DNAH1: variants seen among roughly 807,000 people sequenced by gnomAD.
DNAH1 encodes the protein axonemal beta dynein heavy chain 1.
Under a neutral mutation model 484.3 loss-of-function variants are expected in DNAH1, and 327 were observed. The ratio of observed to expected loss-of-function variants is 0.68; its 90% CI spans 0.62 to 0.74. The LOEUF (loss-of-function observed/expected upper bound fraction) is 0.74. Ranked by LOEUF, DNAH1 falls within the 30% of genes least tolerant of loss-of-function variation. The probability of loss-of-function intolerance (pLI) is 0.00; values close to 1 mark genes in which losing one functional copy is unlikely to be tolerated. For missense variants in DNAH1, 5,052 were observed against 5,546.8 expected, an observed-to-expected ratio of 0.91 and a Z score of 2.83; for synonymous variants, 2,192 against 2,191.9, an observed-to-expected ratio of 1.00 and a Z score of 0.00.
intron 8 of DNAH1, among the ~76,000 whole-genome samples, chr3:52,338,084 A>G (rs1378586583): frequency 6.6e-6 from 1 of 152,168 alleles, no homozygotes; most frequent in Non-Finnish European, 1.5e-5. Flanking sequence ...GTGAGTCACC[A>G]TGCTCAGCTC....
rs145512224 is a variant in DNAH1, at chr3:52,372,521, A to G, written c.6827+134A>G. 1.2e-3 allele frequency: 1,522 copies of G among 1,255,998 alleles called. 3 individuals carry two copies. The highest frequency in any genetic ancestry group is 1.9e-3 in the Middle Eastern group (7 of 3,672). 77.8% of individuals were successfully genotyped at this position (1,255,998 alleles called of 1,614,324 possible). A position where few individuals can be genotyped will look rare whatever the true frequency, so the allele number is the denominator to read the frequency against. ...CCCAGGGGGAGCTGACAGCCCCCCAATGGGCCCAGGGTTCCCTCACAGACT... is the reference window on the plus strand; with the variant it reads ...CCCAGGGGGAGCTGACAGCCCCCCAGTGGGCCCAGGGTTCCCTCACAGACT... On this transcript the variant is annotated intron_variant, in intron 43 of 77. Transcript: ENST00000420323.
intron 18 of DNAH1, 30 bp downstream of exon 18, chr3:52,352,737 T>G: frequency 6.3e-7 from 1 of 1,598,008 alleles, no homozygotes. Context: ...CCTGCCCCCA[T>G]GCCCCCAGGC....
chr3:52,333,120 A>G (rs1274493732), intron 8 of DNAH1, among the ~76,000 whole-genome samples: 2 of 152,144 alleles, frequency 1.3e-5, no homozygotes, highest in African/African-American at 4.8e-5. Context: ...GCCTAGGCTC[A>G]AGTAAATCTC....
At position 52,332,192 on chromosome 3, in the gene DNAH1, C is replaced by T. The variant is rs200067536; in HGVS notation, c.1084C>T (p.Leu362Phe). Residue 362 changes from leucine to phenylalanine, a missense_variant, in exon 8 of 78, where the codon CTC (leucine) becomes TTC (phenylalanine). By Grantham distance (22) the Leu-to-Phe change is conservative. Around this residue, in one of 4 missense-constraint regions of DNAH1, gnomAD observed 1,263 missense variants for 1,218.8 expected, o/e 1.04. Transcript: ENST00000420323. ...GTACTGGGTGCCACGGATCCAGCTT[C>T]TCTTCTGCGCTGAGGACCCTTGCAT... Reference protein sequence around the residue: ...CQYWVPRIQLLFCAEDPCMFA... With the variant: ...CQYWVPRIQLFFCAEDPCMFA... 176 of 1,599,966 alleles carry T rather than the reference C, an allele frequency of 1.1e-4. 2 individuals carry two copies. In the African/African-American group the frequency reaches 1.7e-3, roughly 15 times the overall value.
rs982193226 is a variant in DNAH1 at position 52,379,857 on chromosome 3, T to G, written c.7378-48T>G. The G allele has an allele frequency of 3.3e-6, 5 of 1,507,686 alleles. No homozygotes were observed. The African/African-American group carries it at 5.5e-5, about 17-fold the overall frequency. 93.4% of individuals were successfully genotyped at this position (1,507,686 alleles called of 1,614,324 possible). A position where few individuals can be genotyped will look rare whatever the true frequency, so the allele number is the denominator to read the frequency against. ...CTTGCCTGGTGGTTTGAGAGATAGC[T>G]GAGGGCTTGGGGGCCAAGGACAGGC... On this transcript the variant is annotated intron_variant, in intron 47 of 77. Transcript: ENST00000420323. This position sits in a 1 kb window ranked among gnomAD's most constrained non-coding sequence, Gnocchi z 4.4.
chr3:52,331,326 C>T lies in DNAH1; in HGVS notation c.1033+17C>T. ...CCACTGAAGGTATGAGGTCCTGCCG[C>T]TGCCCCAGGCAGAACCCCAGCTTGG... On this transcript the variant is annotated intron_variant, in intron 7 of 77. Coordinates refer to ENST00000420323, the MANE Select transcript of DNAH1 (RefSeq NM_015512.5). 1 of 1,592,654 alleles carries T rather than the reference C, an allele frequency of 6.3e-7. No individual in the cohort carries two copies. Among genetic ancestry groups the T allele is most frequent in the Non-Finnish European group, 8.5e-7 (1 of 1,170,014 alleles).
At chr3:52,340,209 G>T (rs764383630) in intron 8 of DNAH1, among the ~76,000 whole-genome samples, 13 of 151,168 alleles carry the variant, frequency 8.6e-5, no homozygotes, top group Non-Finnish European at 1.8e-4. Context: ...CAGCCTCCCT[G>T]GTAGCTGGGA....
Position 52,364,664 on chromosome 3 carries a change from C to A in DNAH1, c.5271C>A (p.Ala1757=). The A allele has an allele frequency of 1.2e-6, 2 of 1,613,954 alleles. No homozygotes were observed. Among genetic ancestry groups the A allele is most frequent in the Non-Finnish European group, 1.7e-6 (2 of 1,179,880 alleles). ...ATCACTATGACTTCGGGATGAGAGCCGTGAAAACTGTGATCTCGGCTGCTG... is the reference window on the plus strand; with the variant it reads ...ATCACTATGACTTCGGGATGAGAGCAGTGAAAACTGTGATCTCGGCTGCTG... ...SQDHYDFGMR[A]VKTVISAAGN... Residue 1757 remains alanine, a synonymous_variant, in exon 33 of 78, where the codon GCC becomes GCA. Transcript: ENST00000420323. This position sits in a 1 kb window ranked among gnomAD's most constrained non-coding sequence, Gnocchi z 4.2.
chr3:52,371,668 A>G (rs1703343307), intron 41 of DNAH1, among the ~76,000 whole-genome samples: 1 of 152,256 alleles, frequency 6.6e-6, no homozygotes, highest in Admixed American at 6.5e-5. Context: ...AGGGCCTGGC[A>G]GTCCTTAGGG....
chr3:52,375,731 T>G (rs770185745), intron 45 of DNAH1, among the ~76,000 whole-genome samples: 4 of 152,188 alleles, frequency 2.6e-5, no homozygotes, highest in Admixed American at 6.5e-5. Context: ...CATACATACA[T>G]ACGTATACGT....
At chr3:52,326,927 G>A (rs758559151) in intron 5 of DNAH1, 36 bp downstream of exon 5, 4 of 1,599,622 alleles carry the variant, frequency 2.5e-6, no homozygotes, top group South Asian at 2.2e-5. Flanking sequence ...GAGAGACAGG[G>A]GCAGAAGTGC....
intron 5 of DNAH1, among the ~76,000 whole-genome samples, chr3:52,327,470 A>T (rs1701389046): frequency 6.6e-6 from 1 of 152,118 alleles, no homozygotes; most frequent in Non-Finnish European, 1.5e-5. Context: ...ACAGCCCCGA[A>T]TCTCACCAGT....
At position 52,361,481 on chromosome 3, in the gene DNAH1, GCAT is replaced by G; in HGVS notation, c.4874+132_4874+134del. ...TGGAGGGGACAGAAGGGGGTAATAGGCATCACGGCTTGGTCCTGGGGGCATTGG... is the reference window on the plus strand; with the variant it reads ...TGGAGGGGACAGAAGGGGGTAATAGGCACGGCTTGGTCCTGGGGGCATTGG... On this transcript the variant is annotated intron_variant, in intron 29 of 77. Transcript: ENST00000420323. This position sits in a 1 kb window ranked among gnomAD's most constrained non-coding sequence, Gnocchi z 5.6. 1 of 1,286,770 alleles carries G rather than the reference GCAT, an allele frequency of 7.8e-7. No individual in the cohort carries two copies. Among genetic ancestry groups the G allele is most frequent in the Non-Finnish European group, 1.1e-6 (1 of 939,558 alleles). The allele number at this position is 1,286,770 out of a possible 1,614,324, so 79.7% of individuals were successfully genotyped here. A position where few individuals can be genotyped will look rare whatever the true frequency, so the allele number is the denominator to read the frequency against.
Position 52,379,510 on chromosome 3 carries a change from G to T in DNAH1, c.7378-395G>T, listed in dbSNP as rs1703746347. On this transcript the variant is annotated intron_variant, in intron 47 of 77. Coordinates refer to ENST00000420323, the MANE Select transcript of DNAH1 (RefSeq NM_015512.5). This position sits in a 1 kb window ranked among gnomAD's most constrained non-coding sequence, Gnocchi z 4.4. ...TTGGTGGGTCATGTCAGTGTGGCTT[G>T]GTGGGTGGTTAGATGTGGGGTGTTG... Among the ~76,000 whole-genome samples the T allele has an allele frequency of 6.6e-6, 1 of 152,138 alleles. No homozygotes were observed. The highest frequency in any genetic ancestry group is 2.4e-5 in the African/African-American group (1 of 41,428).
upstream of DNAH1, among the ~76,000 whole-genome samples, chr3:52,314,508 C>T (rs1047011675): frequency 6.6e-6 from 1 of 152,130 alleles, no homozygotes; most frequent in East Asian, 1.9e-4. Flanking sequence ...AGGTGATGGC[C>T]CCGATGTGGG....
In DNAH1 at chr3:52,366,807, T is replaced by C. The variant is rs1703095718; in HGVS notation, c.5685T>C (p.Ala1895=). 3 of 1,613,960 alleles carry C rather than the reference T, an allele frequency of 1.9e-6. No homozygotes were observed. Among genetic ancestry groups the C allele is most frequent in the African/African-American group, 1.3e-5 (1 of 75,040 alleles). The change falls in exon 36 of 78, where the codon GCT becomes GCC. Residue 1895 remains alanine, a synonymous_variant. Transcript: ENST00000420323. ...CCATCAGTGGTGGCATGTACGAGGC[T>C]GTCAACTACTACGTGCTCAACCCCA... ...QPSISGGMYE[A]VNYYVLNPKS... is the part of the protein sequence containing the mutation.
intron 16 of DNAH1, among the ~76,000 whole-genome samples, chr3:52,351,142 G>A (rs375917558): frequency 2.6e-5 from 4 of 152,196 alleles, no homozygotes; most frequent in African/African-American, 9.7e-5. Flanking sequence ...GAGCCACCGC[G>A]CCCAGCCTGA....
chr3:52,393,069 C>G (rs1468484188), intron 65 of DNAH1, 44 bp downstream of exon 65: 2 of 1,589,022 alleles, frequency 1.3e-6, no homozygotes, highest in Non-Finnish European at 8.6e-7. Context: ...AGATATGACC[C>G]ATGTGGACAC....
At position 52,368,186 on chromosome 3, in the gene DNAH1, G is replaced by A. The variant is rs1360514542; in HGVS notation, c.5766-555G>A. Among the ~76,000 whole-genome samples, 3 of 152,208 alleles carry A rather than the reference G, an allele frequency of 2.0e-5. No individual in the cohort carries two copies. Among genetic ancestry groups the A allele is most frequent in the Non-Finnish European group, 4.4e-5 (3 of 68,034 alleles). On this transcript the variant is annotated intron_variant, in intron 36 of 77. Transcript: ENST00000420323. This position sits in a 1 kb window ranked among gnomAD's most constrained non-coding sequence, Gnocchi z 4.4. ...GCCTCAAGAGTGATCAGTTATCAAG[G>A]GTTCTGGCTAAACTGACTTAGCAGG...
Sources: allele counts gnomAD v4.1 joint callset (sites outside exome capture counted in the v4.1 genomes callset), GRCh38; gene constraint gnomAD v4.1.1; regional missense constraint gnomAD v4.1.1; non-coding constraint Gnocchi (gnomAD v3.1); transcripts MANE v1.5; gene names NCBI Gene and HGNC (gene_info 2026-07-23, HGNC 2026-07-21).